SFXN5: variants seen among roughly 807,000 people sequenced by gnomAD.
SFXN5 encodes the protein sideroflexin-5.
SFXN5 carries 43 observed loss-of-function variants against 50.2 expected under a neutral mutation model. That is an observed-to-expected ratio of 0.86 (90% CI 0.67 to 1.11). SFXN5 has a LOEUF of 1.11. Among genes scored for constraint, SFXN5 ranks in the 50% least tolerant of loss-of-function variants. SFXN5 has a pLI of 0.00. For missense variants in SFXN5, 463 were observed against 454.1 expected, an observed-to-expected ratio of 1.02 and a Z score of -0.18; for synonymous variants, 203 against 185.8, an observed-to-expected ratio of 1.09 and a Z score of -0.75.
intron 10 of SFXN5, among the ~76,000 whole-genome samples, chr2:72,979,805 T>C (rs555184428): frequency 9.1e-4 from 139 of 152,344 alleles, no homozygotes; most frequent in African/African-American, 3.2e-3. Flanking sequence ...AACCCATTTG[T>C]ATTAAGTTAC....
chr2:72,953,693 G>A lies in SFXN5; in HGVS notation c.945+7438C>T, dbSNP rs746713752. Among the ~76,000 whole-genome samples the A allele has an allele frequency of 2.6e-5, 4 of 152,156 alleles. No homozygotes were observed. Among genetic ancestry groups the A allele is most frequent in the Non-Finnish European group, 4.4e-5 (3 of 68,012 alleles). On this transcript the variant is annotated intron_variant, in intron 13 of 13. Coordinates refer to ENST00000272433, the MANE Select transcript of SFXN5 (RefSeq NM_144579.3). The surrounding 1 kb of genome is among the most constrained non-coding windows in gnomAD (Gnocchi z 4.1). ...CAGGTGAGGTGAGACAGATCTTAGT[G>A]GGGAAGATCAGGGAGGACTTCCTGG... is the stretch of plus-strand genomic sequence containing the variant.
At chr2:72,949,850 T>C (rs1672338299) in intron 13 of SFXN5, among the ~76,000 whole-genome samples, 1 of 151,822 alleles carries the variant, frequency 6.6e-6, no homozygotes, top group African/African-American at 2.4e-5. Context: ...TGACTGTGCG[T>C]TGGATGACTC....
intron 6 of SFXN5, among the ~76,000 whole-genome samples, chr2:73,003,886 AC>A (rs1421320458): frequency 6.6e-6 from 1 of 151,876 alleles, no homozygotes; most frequent in Non-Finnish European, 1.5e-5. Flanking sequence ...CCAACCTCCT[AC>A]CCTAACATGG....
intron 2 of SFXN5, among the ~76,000 whole-genome samples, chr2:73,051,552 A>T (rs1229819524): frequency 6.6e-6 from 1 of 151,954 alleles, no homozygotes; most frequent in Non-Finnish European, 1.5e-5. Context: ...CACCGCCCCC[A>T]GCCTTCCAGC....
chr2:73,039,480 A>G (rs946063348), intron 3 of SFXN5, among the ~76,000 whole-genome samples: 2 of 152,222 alleles, frequency 1.3e-5, no homozygotes, highest in Non-Finnish European at 2.9e-5. Flanking sequence ...AATTGTAACG[A>G]CATGAAGACT....
chr2:72,977,962 G>A (rs1216485146), intron 10 of SFXN5, among the ~76,000 whole-genome samples: 2 of 125,752 alleles, frequency 1.6e-5, no homozygotes, highest in African/African-American at 3.0e-5. Flanking sequence ...AACAGAGAGA[G>A]ACTCTGCCTC....
intron 3 of SFXN5, among the ~76,000 whole-genome samples, chr2:73,028,845 C>T (rs1304863975): frequency 6.6e-6 from 1 of 152,244 alleles, no homozygotes; most frequent in Non-Finnish European, 1.5e-5. Context: ...AGCAGAAAGA[C>T]ATGAAAGAGG....
chr2:72,993,445 G>A (rs1468690305), intron 9 of SFXN5, among the ~76,000 whole-genome samples: 1 of 152,200 alleles, frequency 6.6e-6, no homozygotes, highest in Non-Finnish European at 1.5e-5. Flanking sequence ...TGACCAAGTG[G>A]CTTGTTTGCT....
chr2:73,020,086 T>C (rs959195453), intron 6 of SFXN5, 153 bp downstream of exon 6: 7 of 681,142 alleles, frequency 1.0e-5, no homozygotes, highest in African/African-American at 9.2e-5. Flanking sequence ...AGAGATGTGG[T>C]AAGAAATACA....
At chr2:73,008,626 T>C (rs1424587397) in intron 6 of SFXN5, among the ~76,000 whole-genome samples, 1 of 152,002 alleles carries the variant, frequency 6.6e-6, no homozygotes, top group Non-Finnish European at 1.5e-5. Flanking sequence ...AGGGGAAACC[T>C]GGGAAGGGAG....
At chr2:72,991,769 G>A (rs1004412937) in intron 9 of SFXN5, among the ~76,000 whole-genome samples, 12 of 152,210 alleles carry the variant, frequency 7.9e-5, no homozygotes, top group African/African-American at 2.2e-4. Context: ...TCCCTGGCAC[G>A]GCGGGTCCTG....
At chr2:73,010,992 G>C (rs1000285055) in intron 6 of SFXN5, among the ~76,000 whole-genome samples, 7 of 152,206 alleles carry the variant, frequency 4.6e-5, no homozygotes, top group Admixed American at 4.6e-4. Flanking sequence ...ACAAAGAAAG[G>C]AGGGAAAAAG....
chr2:73,059,287 G>C, intron 1 of SFXN5: 2 of 985,706 alleles, frequency 2.0e-6, no homozygotes, highest in African/African-American at 3.5e-5. Context: ...TGGGGACTAA[G>C]CCAGCTGGGC....
At chr2:73,051,149 A>G (rs761871561) in intron 2 of SFXN5, among the ~76,000 whole-genome samples, 6 of 151,930 alleles carry the variant, frequency 3.9e-5, no homozygotes, top group Non-Finnish European at 5.9e-5. Context: ...TCACTATCCC[A>G]TAAGTTACTT....
chr2:73,023,214 G>A lies in SFXN5; in HGVS notation c.250C>T (p.Leu84Phe), dbSNP rs1344353034. 12 of 1,602,018 alleles carry A rather than the reference G, an allele frequency of 7.5e-6. No individual in the cohort carries two copies. The highest frequency in any genetic ancestry group is 1.0e-5 in the Non-Finnish European group (12 of 1,173,656). ...TLRPGVTNEQ[L>F]WSAQKIKQAI... ...TGCTTGATTTTCTGTGCACTCCAGA[G>A]CTGGAAGAGAGATAAAGGAAAAGAA... Residue 84 changes from leucine to phenylalanine, a missense_variant and splice_region_variant, in exon 4 of 14, where the codon CTC becomes TTC. Transcript: ENST00000272433.
intron 2 of SFXN5, 61 bp downstream of exon 2, chr2:73,058,467 A>G: frequency 6.7e-7 from 1 of 1,500,730 alleles, no homozygotes; most frequent in Non-Finnish European, 9.3e-7. Context: ...AATGACCCAC[A>G]TATTCTGAAA....
chr2:72,945,237 A>G lies in SFXN5; in HGVS notation c.946-138T>C. ...CGTGTCCACCCCAGCCAGGGCTCAC[A>G]TGCCCTACCTAGTGACACATCTTCC... On this transcript the variant is annotated intron_variant, in intron 13 of 13. Transcript: ENST00000272433. The surrounding 1 kb of genome is among the most constrained non-coding windows in gnomAD (Gnocchi z 5.8). 1.4e-6 allele frequency: 1 copy of G among 736,436 alleles called. No individual in the cohort carries two copies. Among genetic ancestry groups the G allele is most frequent in the African/African-American group, 1.8e-5 (1 of 57,072 alleles). 45.6% of individuals were successfully genotyped at this position (736,436 alleles called of 1,614,324 possible). A position where few individuals can be genotyped will look rare whatever the true frequency, so the allele number is the denominator to read the frequency against.
intron 9 of SFXN5, chr2:72,997,614 G>A (rs1156849238): frequency 6.6e-6 from 1 of 151,380 alleles, no homozygotes; most frequent in Non-Finnish European, 1.5e-5. Context: ...TCTGGAGATG[G>A]AGTCTCACTC....
At chr2:73,065,401 C>A (rs756863033) in intron 1 of SFXN5, among the ~76,000 whole-genome samples, 1 of 150,468 alleles carries the variant, frequency 6.6e-6, no homozygotes, top group African/African-American at 2.4e-5. Flanking sequence ...TGCACCTGGA[C>A]AACAATTTTT....
Sources: gnomAD v4.1 joint callset for allele counts (sites outside exome capture counted in the v4.1 genomes callset) on GRCh38, gnomAD v4.1.1 for gene constraint, Gnocchi (gnomAD v3.1) non-coding constraint, MANE v1.5 for transcripts, NCBI Gene and HGNC (gene_info 2026-07-23, HGNC 2026-07-21) for gene names.